Variants in TOP1 observed in about 807,000 individuals in gnomAD.
TOP1 encodes DNA topoisomerase I.
In TOP1, 10 loss-of-function variants were observed where a neutral mutation model predicts 111.1. That is an observed-to-expected ratio of 0.09 (90% CI 0.06 to 0.15). TOP1 has a LOEUF of 0.15. Among genes scored for constraint, TOP1 ranks in the 10% least tolerant of loss-of-function variants. The pLI, the probability that TOP1 is intolerant of heterozygous loss-of-function variation, is 1.00. For missense variants in TOP1, 474 were observed against 926.7 expected (o/e 0.51, Z 6.34); for synonymous variants, 271 against 302.9 (o/e 0.89, Z 1.10).
chr20:41,111,009 A>AG (rs2034229062), intron 13 of TOP1, among the ~76,000 whole-genome samples: 1 of 152,180 alleles, frequency 6.6e-6, no homozygotes, highest in Non-Finnish European at 1.5e-5. Context: ...TTGGTCTGGT[A>AG]GTATCCTGTG....
At position 41,123,288 on chromosome 20, in the gene TOP1, T is replaced by C. The variant is rs761118099; in HGVS notation, c.2289T>C (p.Tyr763=). 6.2e-7 allele frequency: 1 copy of C among 1,612,440 alleles called. No homozygotes were observed. The highest frequency in any genetic ancestry group is 1.1e-5 in the South Asian group (1 of 91,050). The change falls in exon 21 of 21, where the codon TAT becomes TAC. Residue 763 remains tyrosine (Y), a synonymous_variant. Coordinates refer to ENST00000361337, the MANE Select transcript of TOP1 (RefSeq NM_003286.4). This position sits in a 1 kb window ranked among gnomAD's most constrained non-coding sequence, Gnocchi z 5.8. ...CCATTGACATGGCTGATGAAGACTA[T>C]GAGTTTTAGCCAGTCTCAAGAGGCA... ...AWAIDMADED[Y]EF is the part of the protein sequence containing the mutation.
intron 3 of TOP1, 54 bp from the exon 4 acceptor site, chr20:41,076,113 AAACG>A (rs2033724248): frequency 6.4e-7 from 1 of 1,551,590 alleles, no homozygotes; most frequent in Non-Finnish European, 8.7e-7. Flanking sequence ...ATATCTTGTG[AAACG>A]AATCCTTGTG....
chr20:41,103,974 A>G (rs1376806658), intron 13 of TOP1, among the ~76,000 whole-genome samples: 1 of 152,084 alleles, frequency 6.6e-6, no homozygotes, highest in Non-Finnish European at 1.5e-5. Context: ...GTGTAAATCT[A>G]CTGGTGTGAT....
At position 41,106,879 on chromosome 20, in the gene TOP1, T is replaced by A. The variant is rs991095075; in HGVS notation, c.1308+5526T>A. Among the ~76,000 whole-genome samples, 1 of 152,164 alleles carries A rather than the reference T, an allele frequency of 6.6e-6. No homozygotes were observed. The highest frequency in any genetic ancestry group is 6.5e-5 in the Admixed American group (1 of 15,274). On this transcript the variant is annotated intron_variant, in intron 13 of 20. Transcript: ENST00000361337. The surrounding 1 kb of genome is among the most constrained non-coding windows in gnomAD (Gnocchi z 4.3). Reference sequence around the variant, plus strand: ...AGTTCTTCATTTTCAGTTCATATATTTCATATTTCTTTAAGTTTTAATTTT... The same window carrying A: ...AGTTCTTCATTTTCAGTTCATATATATCATATTTCTTTAAGTTTTAATTTT...
chr20:41,098,463 T>A lies in TOP1; in HGVS notation c.975+126T>A. 9.0e-7 allele frequency: 1 copy of A among 1,113,028 alleles called. No homozygotes were observed. Among genetic ancestry groups the A allele is most frequent in the Non-Finnish European group, 1.3e-6 (1 of 789,416 alleles). 68.9% of individuals were successfully genotyped at this position (1,113,028 alleles called of 1,614,324 possible). ...TTCACATCATTCTATGCTAAAGACT[T>A]AGAGTTCTCAAAGTCTAAATTTTCT... is the stretch of plus-strand genomic sequence containing the variant. On this transcript the variant is annotated intron_variant, in intron 11 of 20. Coordinates refer to ENST00000361337, the MANE Select transcript of TOP1 (RefSeq NM_003286.4). The surrounding 1 kb of genome is among the most constrained non-coding windows in gnomAD (Gnocchi z 5.7).
chr20:41,093,766 T>A (rs533280726), intron 9 of TOP1, among the ~76,000 whole-genome samples: 1 of 152,344 alleles, frequency 6.6e-6, no homozygotes, highest in Non-Finnish European at 1.5e-5. Context: ...GGTGCATCTC[T>A]CTTCCCACCA....
chr20:41,067,114 T>A lies in TOP1; in HGVS notation c.155+5624T>A, dbSNP rs2033617761. On this transcript the variant is annotated intron_variant, in intron 3 of 20. Transcript: ENST00000361337. This position sits in a 1 kb window ranked among gnomAD's most constrained non-coding sequence, Gnocchi z 4.0. ...AGCAAGGATATTGGTTATATTCCAGTAAAATTATTTTATTATTTTTTTTGA... is the reference window on the plus strand; with the variant it reads ...AGCAAGGATATTGGTTATATTCCAGAAAAATTATTTTATTATTTTTTTTGA... Among the ~76,000 whole-genome samples the A allele has an allele frequency of 6.6e-6, 1 of 152,130 alleles. No individual in the cohort carries two copies. Among genetic ancestry groups the A allele is most frequent in the African/African-American group, 2.4e-5 (1 of 41,422 alleles).
intron 2 of TOP1, among the ~76,000 whole-genome samples, chr20:41,036,773 G>A (rs1476620422): frequency 6.6e-6 from 1 of 150,940 alleles, no homozygotes; most frequent in Non-Finnish European, 1.5e-5. Flanking sequence ...AGTAAAAGGT[G>A]TCTTCATATC....
intron 3 of TOP1, among the ~76,000 whole-genome samples, chr20:41,068,036 A>G (rs2033627988): frequency 1.3e-5 from 2 of 152,352 alleles, no homozygotes; most frequent in South Asian, 2.1e-4. Context: ...CTGAGTCCCC[A>G]CTACATTATT....
rs1185046007 is a variant in TOP1, at chr20:41,114,032, C to T, written c.1515C>T (p.Cys505=). 10 of 1,612,902 alleles carry T rather than the reference C, an allele frequency of 6.2e-6. No homozygotes were observed. Among genetic ancestry groups the T allele is most frequent in the Non-Finnish European group, 8.5e-6 (10 of 1,179,650 alleles). The change falls in exon 15 of 21, where the codon TGC becomes TGT. Residue 505 remains cysteine, a synonymous_variant. Transcript: ENST00000361337. This position sits in a 1 kb window ranked among gnomAD's most constrained non-coding sequence, Gnocchi z 4.5. The stretch of plus-strand genomic sequence containing the variant: ...AAACAGCGGACACTGTGGGCTGCTG[C>T]TCACTTCGTGTGGAGCACATCAATC... The part of the protein sequence containing the change: ...EGETADTVGC[C]SLRVEHINLH...
At position 41,115,867 on chromosome 20, in the gene TOP1, G is replaced by A. The variant is rs1215874333; in HGVS notation, c.1708-411G>A. On this transcript the variant is annotated intron_variant, in intron 16 of 20. Transcript: ENST00000361337. The surrounding 1 kb of genome is among the most constrained non-coding windows in gnomAD (Gnocchi z 6.3). ...TTATCCCAGCACTTTGAGAGGTCAA[G>A]TAGGGCAGATCCCTTGAGGTCAGGA... Among the ~76,000 whole-genome samples the A allele has an allele frequency of 6.6e-6, 1 of 152,222 alleles. No homozygotes were observed. The highest frequency in any genetic ancestry group is 6.5e-5 in the Admixed American group (1 of 15,288).
chr20:41,077,873 A>G (rs1019959455), intron 5 of TOP1, among the ~76,000 whole-genome samples: 9 of 151,960 alleles, frequency 5.9e-5, no homozygotes, highest in Non-Finnish European at 1.0e-4. Context: ...GAGAAGGTTG[A>G]CAGGAGAGAT....
At chr20:41,066,745 G>C (rs1458832892) in intron 3 of TOP1, among the ~76,000 whole-genome samples, 2 of 151,656 alleles carry the variant, frequency 1.3e-5, no homozygotes, top group Non-Finnish European at 2.9e-5. Context: ...TAGTAGAGAC[G>C]GGGTTTTACT....
chr20:41,068,135 G>A (rs979129945), intron 3 of TOP1, among the ~76,000 whole-genome samples: 6 of 152,220 alleles, frequency 3.9e-5, no homozygotes, highest in African/African-American at 1.2e-4. Context: ...TTACTTGTAT[G>A]CATATGGTAG....
chr20:41,031,594 A>G (rs1405349104), intron 2 of TOP1, among the ~76,000 whole-genome samples: 2 of 152,230 alleles, frequency 1.3e-5, no homozygotes, highest in Non-Finnish European at 2.9e-5. Context: ...CCAGGCATGA[A>G]TCTCAGCTCT....
Position 41,061,596 on chromosome 20 carries a change from G to GT in TOP1, c.155+107dup. 1 of 961,802 alleles carries GT rather than the reference G, an allele frequency of 1.0e-6. No homozygotes were observed. The allele number at this position is 961,802 out of a possible 1,614,324, so 59.6% of individuals were successfully genotyped here. A position where few individuals can be genotyped will look rare whatever the true frequency, so the allele number is the denominator to read the frequency against. On this transcript the variant is annotated intron_variant, in intron 3 of 20. Transcript: ENST00000361337. The surrounding 1 kb of genome is among the most constrained non-coding windows in gnomAD (Gnocchi z 4.6). ...TTGAGCTACATGTAAAGATAGCAAAGTAAGTAGAAACTGTATTTGATCCTA... is the reference window on the plus strand; with the variant it reads ...TTGAGCTACATGTAAAGATAGCAAAGTTAAGTAGAAACTGTATTTGATCCTA...
At chr20:41,062,377 C>T (rs1009524362) in intron 3 of TOP1, among the ~76,000 whole-genome samples, 14 of 152,082 alleles carry the variant, frequency 9.2e-5, no homozygotes, top group African/African-American at 1.4e-4. Context: ...TTCTTTTTCG[C>T]GAATCATTAA....
intron 2 of TOP1, among the ~76,000 whole-genome samples, chr20:41,056,882 AT>A (rs1452225423): frequency 2.0e-5 from 3 of 152,156 alleles, no homozygotes; most frequent in Non-Finnish European, 4.4e-5. Flanking sequence ...CTCACCAGAC[AT>A]TTTTGATTTG....
intron 18 of TOP1, among the ~76,000 whole-genome samples, chr20:41,120,054 T>C (rs981622629): frequency 6.6e-6 from 1 of 152,256 alleles, no homozygotes; most frequent in Non-Finnish European, 1.5e-5. Context: ...ATTCCTCTCC[T>C]GTGTGCCCAC....
Sources: allele counts gnomAD v4.1 joint callset (sites outside exome capture counted in the v4.1 genomes callset), GRCh38; gene constraint gnomAD v4.1.1; non-coding constraint Gnocchi (gnomAD v3.1); transcripts MANE v1.5; gene names NCBI Gene and HGNC (gene_info 2026-07-23, HGNC 2026-07-21).